The following MTA3 variants were observed in gnomAD, a reference collection of about 807,000 sequenced individuals.
MTA3 encodes metastasis associated 1 family member 3, also known as metastasis-associated protein MTA3.
In MTA3, 34 loss-of-function variants were observed where a neutral mutation model predicts 83.5. The observed-to-expected ratio is 0.41, with a 90% CI of 0.31 to 0.54. MTA3 has a LOEUF of 0.54. MTA3 is among the 20% of genes least tolerant of loss of function. The pLI, the probability that MTA3 is intolerant of heterozygous loss-of-function variation, is 0.33. For synonymous variants in MTA3, 303 were observed against 252.7 expected (o/e 1.20, Z -1.89); for missense variants, 761 against 726.4 (o/e 1.05, Z -0.55).
chr2:42,618,369 C>T (rs996809408), intron 4 of MTA3, among the ~76,000 whole-genome samples: 1 of 152,108 alleles, frequency 6.6e-6, no homozygotes, highest in African/African-American at 2.4e-5. Context: ...AATGCTAATC[C>T]TTCAAGAATT....
At chr2:42,609,320 C>G (rs1683896749) in intron 3 of MTA3, 138 bp from the exon 4 acceptor site, 2 of 954,858 alleles carry the variant, frequency 2.1e-6, no homozygotes, top group Non-Finnish European at 3.0e-6. Context: ...GCATGAGCCA[C>G]TGCACCTGGC....
At chr2:42,513,649 C>G (rs923848100) in intron 2 of MTA3, among the ~76,000 whole-genome samples, 12 of 152,136 alleles carry the variant, frequency 7.9e-5, no homozygotes, top group African/African-American at 2.9e-4. Flanking sequence ...GTAGAACTTC[C>G]AGGACAGAGA....
At chr2:42,577,105 A>AAAATATATAT (rs1211189566) in intron 2 of MTA3, among the ~76,000 whole-genome samples, 7 of 86,916 alleles carry the variant, frequency 8.1e-5, no homozygotes, top group African/African-American at 3.8e-4. Flanking sequence ...AAAAAAAAAA[A>AAAATATATAT]ATATATATAT....
At chr2:42,601,226 A>C (rs902616425) in intron 3 of MTA3, among the ~76,000 whole-genome samples, 1 of 152,110 alleles carries the variant, frequency 6.6e-6, no homozygotes, top group Non-Finnish European at 1.5e-5. Flanking sequence ...TTATAAATCA[A>C]CTTGAACTTT....
At chr2:42,656,803 T>C (rs1689210850) in intron 7 of MTA3, among the ~76,000 whole-genome samples, 1 of 152,252 alleles carries the variant, frequency 6.6e-6, no homozygotes, top group African/African-American at 2.4e-5. Flanking sequence ...GGACAGAATT[T>C]TATTTTTATT....
In MTA3 at chr2:42,704,285, C is replaced by G. The variant is rs775403666; in HGVS notation, c.1117C>G (p.Pro373Ala). The G allele has an allele frequency of 6.2e-7, 1 of 1,613,934 alleles. No individual in the cohort carries two copies. ...AVGTTFQPQNPLLGRACESCY... is the reference protein window; with the variant it reads ...AVGTTFQPQNALLGRACESCY... ...GGGGACCACGTTCCAGCCTCAGAAT[C>G]CTCTCTTAGGGAGAGCCTGTGAGAG... Residue 373 changes from proline (P) to alanine (A), a missense_variant, in exon 12 of 17, where the codon CCT (proline) becomes GCT (alanine). Coordinates refer to ENST00000405094, the MANE Select transcript of MTA3 (RefSeq NM_001330442.2).
intron 12 of MTA3, 150 bp downstream of exon 12, chr2:42,704,468 CTGCCT>C (rs775649519): frequency 1.0e-4 from 90 of 872,964 alleles, no homozygotes; most frequent in Non-Finnish European, 1.5e-4. Context: ...TCCTTACCTT[CTGCCT>C]GGAACAGAGG....
intron 4 of MTA3, among the ~76,000 whole-genome samples, chr2:42,610,081 C>T (rs1266381316): frequency 1.3e-5 from 2 of 152,056 alleles, no homozygotes; most frequent in African/African-American, 4.8e-5. Context: ...GCCTGGATGA[C>T]AGAGTGACAC....
intron 3 of MTA3, among the ~76,000 whole-genome samples, chr2:42,599,077 C>G (rs1682214702): frequency 6.6e-6 from 1 of 152,160 alleles, no homozygotes; most frequent in Admixed American, 6.6e-5. Context: ...GTGGTGACAG[C>G]TCAGGGCTCA....
intron 2 of MTA3, among the ~76,000 whole-genome samples, chr2:42,498,526 A>G (rs1449138745): frequency 1.3e-5 from 2 of 152,202 alleles, no homozygotes; most frequent in Non-Finnish European, 2.9e-5. Context: ...CTTGGGGGAA[A>G]AGCTATACAT....
chr2:42,618,695 C>T (rs1685196677), intron 4 of MTA3, among the ~76,000 whole-genome samples: 1 of 152,046 alleles, frequency 6.6e-6, no homozygotes, highest in Non-Finnish European at 1.5e-5. Context: ...GTGGCCTCCA[C>T]CTCATGGGCT....
chr2:42,684,880 C>G (rs1478656252), intron 9 of MTA3, among the ~76,000 whole-genome samples: 1 of 152,164 alleles, frequency 6.6e-6, no homozygotes, highest in Non-Finnish European at 1.5e-5. Flanking sequence ...CAGTTAAAAT[C>G]AAGAGATTGA....
chr2:42,687,014 C>A (rs1181376063), intron 9 of MTA3, among the ~76,000 whole-genome samples: 1 of 150,808 alleles, frequency 6.6e-6, no homozygotes, highest in Non-Finnish European at 1.5e-5. Context: ...ATAATACCAG[C>A]TACTCAGGAG....
chr2:42,656,678 G>A (rs368022675), intron 7 of MTA3, among the ~76,000 whole-genome samples: 2 of 152,192 alleles, frequency 1.3e-5, no homozygotes, highest in South Asian at 2.1e-4. Context: ...TTCGCTCACC[G>A]CATCCATGTG....
intron 2 of MTA3, among the ~76,000 whole-genome samples, chr2:42,549,371 G>T (rs1244981199): frequency 2.6e-5 from 3 of 113,564 alleles, no homozygotes; most frequent in African/African-American, 1.0e-4. Context: ...ACGTATATAC[G>T]TATATAAAAT....
intron 2 of MTA3, among the ~76,000 whole-genome samples, chr2:42,527,325 C>G (rs762886010): frequency 6.6e-6 from 1 of 152,120 alleles, no homozygotes; most frequent in Non-Finnish European, 1.5e-5. Context: ...ATAAATGGAC[C>G]TGATCAGGAA....
chr2:42,624,719 A>G (rs971362627), intron 4 of MTA3, among the ~76,000 whole-genome samples: 1 of 152,126 alleles, frequency 6.6e-6, no homozygotes, highest in Non-Finnish European at 1.5e-5. Flanking sequence ...AACTTCCTAT[A>G]CTATTCTGGT....
intron 5 of MTA3, among the ~76,000 whole-genome samples, chr2:42,641,388 A>T (rs1437968657): frequency 1.3e-5 from 2 of 152,122 alleles, no homozygotes; most frequent in Non-Finnish European, 2.9e-5. Context: ...AAAGGCTAAT[A>T]GACTTTATAA....
intron 3 of MTA3, among the ~76,000 whole-genome samples, chr2:42,582,130 T>A (rs1679733436): frequency 6.6e-6 from 1 of 151,736 alleles, no homozygotes; most frequent in Non-Finnish European, 1.5e-5. Context: ...CGATCTTGGC[T>A]CACTGCAAGC....
Sources: allele counts gnomAD v4.1 joint callset (sites outside exome capture counted in the v4.1 genomes callset), GRCh38; gene constraint gnomAD v4.1.1; transcripts MANE v1.5; gene names NCBI Gene and HGNC (gene_info 2026-07-23, HGNC 2026-07-21).